The following TAFA4 variants were observed in gnomAD, a reference collection of about 807,000 sequenced individuals.
The protein encoded by TAFA4 is TAFA chemokine like family member 4.
In TAFA4, 20 loss-of-function variants were observed where a neutral mutation model predicts 21.1. The ratio of observed to expected loss-of-function variants is 0.95; its 90% CI spans 0.67 to 1.38. TAFA4 has a LOEUF of 1.38. Ranked by LOEUF, TAFA4 falls within the 40% of genes most tolerant of loss-of-function variation. TAFA4 has a pLI of 0.00. For missense variants in TAFA4, 211 were observed against 180.9 expected, an observed-to-expected ratio of 1.17 and a Z score of -0.95; for synonymous variants, 71 against 67.4, an observed-to-expected ratio of 1.05 and a Z score of -0.26.
At chr3:68,897,682 A>G (rs2089806002) in intron 1 of TAFA4, among the ~76,000 whole-genome samples, 2 of 152,174 alleles carry the variant, frequency 1.3e-5, no homozygotes, top group African/African-American at 4.8e-5. Context: ...ATTATTCTTA[A>G]AGTCACTCTC....
At chr3:68,802,001 C>A (rs562330820) in intron 3 of TAFA4, among the ~76,000 whole-genome samples, 4 of 151,950 alleles carry the variant, frequency 2.6e-5, no homozygotes, top group Non-Finnish European at 5.9e-5. Context: ...GCCAGCCACT[C>A]GTATCTTCAG....
chr3:68,741,771 G>A (rs1702357390), intron 4 of TAFA4, among the ~76,000 whole-genome samples: 1 of 151,900 alleles, frequency 6.6e-6, no homozygotes, highest in Non-Finnish European at 1.5e-5. Context: ...CAGCCTGGGT[G>A]ACAGAGCAAG....
intron 3 of TAFA4, among the ~76,000 whole-genome samples, chr3:68,805,931 T>G (rs1703688999): frequency 6.6e-6 from 1 of 152,064 alleles, no homozygotes; most frequent in South Asian, 2.1e-4. Flanking sequence ...ATTGTGCACA[T>G]GTACCCTAAA....
At chr3:68,764,808 G>C (rs967410747) in intron 3 of TAFA4, among the ~76,000 whole-genome samples, 5 of 152,162 alleles carry the variant, frequency 3.3e-5, no homozygotes, top group Admixed American at 1.3e-4. Context: ...CCATCACAAT[G>C]AGTACCTTGC....
chr3:68,855,739 A>T (rs1705055446), intron 3 of TAFA4, among the ~76,000 whole-genome samples: 1 of 152,010 alleles, frequency 6.6e-6, no homozygotes, highest in Non-Finnish European at 1.5e-5. Context: ...ACACAGGTAA[A>T]TGCCAACCCA....
At chr3:68,853,573 T>C (rs991464693) in intron 3 of TAFA4, among the ~76,000 whole-genome samples, 2 of 152,114 alleles carry the variant, frequency 1.3e-5, no homozygotes, top group African/African-American at 4.8e-5. Context: ...CCTATCCTAC[T>C]TCTCATTTAT....
intron 3 of TAFA4, among the ~76,000 whole-genome samples, chr3:68,763,850 T>C (rs1461768437): frequency 8.5e-6 from 1 of 117,696 alleles, no homozygotes; most frequent in East Asian, 2.1e-4. Context: ...AACCTTGGTC[T>C]TTAGTATGTA....
chr3:68,812,815 C>G (rs1350091128), intron 3 of TAFA4, among the ~76,000 whole-genome samples: 1 of 152,122 alleles, frequency 6.6e-6, no homozygotes, highest in Admixed American at 6.5e-5. Flanking sequence ...CAGCTCTGCA[C>G]CAAGCAGACC....
At chr3:68,833,907 A>G (rs1049817590) in intron 3 of TAFA4, among the ~76,000 whole-genome samples, 1 of 152,214 alleles carries the variant, frequency 6.6e-6, no homozygotes, top group Non-Finnish European at 1.5e-5. Flanking sequence ...AGTTGCCTCA[A>G]CTGTAAAGTG....
chr3:68,851,105 A>G (rs1418280572), intron 3 of TAFA4, among the ~76,000 whole-genome samples: 1 of 152,188 alleles, frequency 6.6e-6, no homozygotes, highest in African/African-American at 2.4e-5. Context: ...ATGTCCACCA[A>G]TGATAGACTG....
At chr3:68,779,048 GAGATGA>G (rs1022849135) in intron 3 of TAFA4, among the ~76,000 whole-genome samples, 5 of 152,206 alleles carry the variant, frequency 3.3e-5, no homozygotes, top group African/African-American at 1.2e-4. Flanking sequence ...GTCTCAGATG[GAGATGA>G]AGAACTTGTC....
At chr3:68,743,668 T>C (rs140585925) in intron 4 of TAFA4, among the ~76,000 whole-genome samples, 6 of 152,222 alleles carry the variant, frequency 3.9e-5, no homozygotes, top group East Asian at 3.9e-4. Flanking sequence ...CTGTGTCACT[T>C]TCAAAGCACT....
In TAFA4 at chr3:68,906,517, G is replaced by T. The variant is rs111968321; in HGVS notation, c.-122-21207C>A. ...CAGGGACTCCCTAAGAGACAGAAAG[G>T]TTAATAATTTGGGAAAGGTTGCAAA... On this transcript the variant is annotated intron_variant, in intron 1 of 5. Transcript: ENST00000295569. Among the ~76,000 whole-genome samples the T allele has an allele frequency of 3.0e-3, 451 of 152,304 alleles. 7 individuals are homozygous for T. The highest frequency in any genetic ancestry group is 0.011 in the African/African-American group (437 of 41,562).
At chr3:68,814,826 A>G (rs1158380314) in intron 3 of TAFA4, among the ~76,000 whole-genome samples, 1 of 152,228 alleles carries the variant, frequency 6.6e-6, no homozygotes, top group East Asian at 1.9e-4. Flanking sequence ...TAAAGTTCAT[A>G]TGGAACCCAA....
At chr3:68,912,887 T>C (rs1049749627) in intron 1 of TAFA4, among the ~76,000 whole-genome samples, 2 of 152,296 alleles carry the variant, frequency 1.3e-5, no homozygotes, top group South Asian at 2.1e-4. Flanking sequence ...AAGTAAGATA[T>C]AGATTTTACT....
chr3:68,841,854 T>C (rs1470638849), intron 3 of TAFA4, among the ~76,000 whole-genome samples: 1 of 152,206 alleles, frequency 6.6e-6, no homozygotes, highest in Admixed American at 6.5e-5. Context: ...GCTTCATCCA[T>C]ATCCCTGCAA....
chr3:68,862,850 A>G (rs1303244103), intron 3 of TAFA4, among the ~76,000 whole-genome samples: 1 of 115,308 alleles, frequency 8.7e-6, no homozygotes, highest in Non-Finnish European at 1.8e-5. Context: ...AGCTTAAAAG[A>G]ATTTTCACAC....
chr3:68,797,712 G>C (rs566208034), intron 3 of TAFA4, among the ~76,000 whole-genome samples: 11 of 149,738 alleles, frequency 7.3e-5, no homozygotes, highest in Non-Finnish European at 1.6e-4. Flanking sequence ...GTCACAAAAA[G>C]AAAAATACCA....
chr3:68,810,986 C>T (rs1055904534), intron 3 of TAFA4, among the ~76,000 whole-genome samples: 2 of 152,314 alleles, frequency 1.3e-5, no homozygotes, highest in Non-Finnish European at 2.9e-5. Context: ...TCCAGAGGAA[C>T]AATCAGGCTG....
Sources: allele counts gnomAD v4.1 joint callset (sites outside exome capture counted in the v4.1 genomes callset), GRCh38; gene constraint gnomAD v4.1.1; transcripts MANE v1.5; gene names NCBI Gene and HGNC (gene_info 2026-07-23, HGNC 2026-07-21).